PKD1L1: variants seen among roughly 807,000 people sequenced by gnomAD.
The protein encoded by PKD1L1 is polycystin-1-like protein 1.
Under a neutral mutation model 323.4 loss-of-function variants are expected in PKD1L1, and 236 were observed. That is an observed-to-expected ratio of 0.73 (90% CI 0.66 to 0.81). PKD1L1 has a LOEUF of 0.81. Among genes scored for constraint, PKD1L1 ranks in the 40% least tolerant of loss-of-function variants. The pLI, the probability that PKD1L1 is intolerant of heterozygous loss-of-function variation, is 0.00. For synonymous variants in PKD1L1, 1,344 were observed against 1,335.0 expected (o/e 1.01, Z -0.15); for missense variants, 3,320 against 3,508.0 (o/e 0.95, Z 1.35).
Position 47,829,529 on chromosome 7 carries a change from C to T in PKD1L1, c.6631G>A (p.Glu2211Lys). The change falls in exon 44 of 57, where the codon GAG becomes AAG. Residue 2211 changes from glutamate (E) to lysine (K), a missense_variant. Transcript: ENST00000289672. ...TCAGAGTCCAGATCCCTGGTAGCCT[C>T]ACATAAAGACTCAGTAAAAAAGTGG... ...DNHFFTESLC[E>K]ATRDLDSELA... The T allele has an allele frequency of 1.2e-6, 2 of 1,614,074 alleles. No individual in the cohort carries two copies. Among genetic ancestry groups the T allele is most frequent in the Non-Finnish European group, 1.7e-6 (2 of 1,180,006 alleles).
chr7:47,877,723 G>T (rs1041775394), intron 21 of PKD1L1, 92 bp from the exon 22 acceptor site: 259 of 1,430,860 alleles, frequency 1.8e-4, no homozygotes, highest in Non-Finnish European at 2.4e-4. Flanking sequence ...TATAGCAGGG[G>T]TTCTCAAAGT....
chr7:47,864,209 G>A (rs143277051), intron 26 of PKD1L1, among the ~76,000 whole-genome samples: 102 of 152,258 alleles, frequency 6.7e-4, no homozygotes, highest in African/African-American at 2.3e-3. Context: ...ACAATGAGAG[G>A]AGCCTGGAGG....
At chr7:47,954,858 A>G in the PKD1L1 span, among the ~76,000 whole-genome samples, 1 of 152,150 alleles carries the variant, frequency 6.6e-6, no homozygotes, top group African/African-American at 2.4e-5. Flanking sequence ...CCATTCCCAG[A>G]TCTTAGGGTG....
Position 47,792,607 on chromosome 7 carries a change from A to C in PKD1L1, c.8526+20T>G. On this transcript the variant is annotated intron_variant, in intron 56 of 56. Transcript: ENST00000289672. The stretch of plus-strand genomic sequence containing the variant: ...ATTGCTATGAAGAAAATTGACATAA[A>C]TAATTTTGCATGGTCTTACCTCAGC... The C allele has an allele frequency of 1.3e-6, 2 of 1,568,974 alleles. No individual in the cohort carries two copies. The highest frequency in any genetic ancestry group is 1.7e-6 in the Non-Finnish European group (2 of 1,156,192).
rs558360906 is a variant in PKD1L1, at chr7:47,946,794, C to T, written c.44+1603G>A. ...TCTTGCTTTAGGTGACTCAGGAAACCCCAAAAGGCTATGACTTCAGAAATG... is the reference window on the plus strand; with the variant it reads ...TCTTGCTTTAGGTGACTCAGGAAACTCCAAAAGGCTATGACTTCAGAAATG... On this transcript the variant is annotated intron_variant, in intron 1 of 56. Coordinates refer to ENST00000289672, the MANE Select transcript of PKD1L1 (RefSeq NM_138295.5). The surrounding 1 kb of genome is among the most constrained non-coding windows in gnomAD (Gnocchi z 4.1). 1.4e-4 allele frequency among the ~76,000 whole-genome samples: 21 copies of T among 151,974 alleles called. No homozygotes were observed. Among genetic ancestry groups the T allele is most frequent in the African/African-American group, 5.1e-4 (21 of 41,304 alleles).
At position 47,839,401 on chromosome 7, in the gene PKD1L1, C is replaced by G. The variant is rs117750169; in HGVS notation, c.5769+45G>C. On this transcript the variant is annotated intron_variant, in intron 36 of 56. Transcript: ENST00000289672. The surrounding 1 kb of genome is among the most constrained non-coding windows in gnomAD (Gnocchi z 4.3). ...AGCAGAGACAGGTGCCATGCTCTGC[C>G]GGTCAGCCAGGTGCGCCACGAGAGG... The G allele has an allele frequency of 2.0e-6, 3 of 1,510,992 alleles. No homozygotes were observed. The highest frequency in any genetic ancestry group is 1.4e-5 in the African/African-American group (1 of 73,202). 93.6% of individuals were successfully genotyped at this position (1,510,992 alleles called of 1,614,324 possible). A position where few individuals can be genotyped will look rare whatever the true frequency, so the allele number is the denominator to read the frequency against.
intron 52 of PKD1L1, among the ~76,000 whole-genome samples, chr7:47,805,190 A>C (rs1394364739): frequency 6.6e-6 from 1 of 152,238 alleles, no homozygotes; most frequent in African/African-American, 2.4e-5. Flanking sequence ...AAGAAAGTTA[A>C]GAAACTTGCC....
At chr7:47,880,424 GGCACCC>G (rs1289414939) in intron 21 of PKD1L1, among the ~76,000 whole-genome samples, 6 of 149,524 alleles carry the variant, frequency 4.0e-5, no homozygotes, top group African/African-American at 1.5e-4. Context: ...TGGGATTACA[GGCACCC>G]GCCACCATGC....
At chr7:47,788,051 C>T (rs912602373) in intron 56 of PKD1L1, among the ~76,000 whole-genome samples, 5 of 151,952 alleles carry the variant, frequency 3.3e-5, no homozygotes, top group Admixed American at 2.6e-4. Context: ...TTGTCCTTAA[C>T]CTTAGTAGTA....
At chr7:47,810,129 G>T (rs544994681) in intron 50 of PKD1L1, among the ~76,000 whole-genome samples, 1 of 152,248 alleles carries the variant, frequency 6.6e-6, no homozygotes, top group South Asian at 2.1e-4. Context: ...TTATGGATTT[G>T]CAAGGAACTG....
intron 23 of PKD1L1, 119 bp from the exon 24 acceptor site, chr7:47,874,129 C>T (rs1331087258): frequency 3.1e-6 from 2 of 653,026 alleles, no homozygotes; most frequent in Non-Finnish European, 5.3e-6. Context: ...GACAAAGGGG[C>T]CAGGCTCCGA....
At chr7:47,834,831 A>C in intron 39 of PKD1L1, 136 bp downstream of exon 39, 1 of 705,178 alleles carries the variant, frequency 1.4e-6, no homozygotes, top group South Asian at 2.3e-5. Context: ...ACTTTTACAC[A>C]CATTAAATGA....
chr7:47,858,563 A>T (rs1028567801), intron 27 of PKD1L1, 110 bp downstream of exon 27: 2 of 979,944 alleles, frequency 2.0e-6, no homozygotes, highest in Non-Finnish European at 3.1e-6. Flanking sequence ...TGAACACAGT[A>T]CTTCAGAAAC....
At chr7:47,834,766 T>A (rs553841782) in intron 39 of PKD1L1, among the ~76,000 whole-genome samples, 28 of 152,318 alleles carry the variant, frequency 1.8e-4, no homozygotes, top group African/African-American at 6.3e-4. Context: ...AAGGATTTTA[T>A]AAGGTTCATA....
intron 2 of PKD1L1, among the ~76,000 whole-genome samples, chr7:47,941,955 G>A (rs1421577246): frequency 6.6e-6 from 1 of 152,206 alleles, no homozygotes; most frequent in African/African-American, 2.4e-5. Flanking sequence ...TTGTCCCACA[G>A]AAGTGATATT....
At chr7:47,789,847 C>T (rs1786898627) in intron 56 of PKD1L1, among the ~76,000 whole-genome samples, 1 of 152,026 alleles carries the variant, frequency 6.6e-6, no homozygotes, top group Admixed American at 6.6e-5. Context: ...ATAGTAAATA[C>T]TATCCATTTT....
At chr7:47,797,054 G>A (rs1784558129) in intron 54 of PKD1L1, among the ~76,000 whole-genome samples, 1 of 151,276 alleles carries the variant, frequency 6.6e-6, no homozygotes. Context: ...GAGCCTGTCA[G>A]CTTTACACAC....
At position 47,827,479 on chromosome 7, in the gene PKD1L1, C is replaced by G. The variant is rs746227954; in HGVS notation, c.6736-11G>C. 7 of 1,601,954 alleles carry G rather than the reference C, an allele frequency of 4.4e-6. No individual in the cohort carries two copies. In the Middle Eastern group the frequency reaches 5.0e-4, roughly 114 times the overall value. On this transcript the variant is annotated splice_polypyrimidine_tract_variant and intron_variant, in intron 44 of 56. Coordinates refer to ENST00000289672, the MANE Select transcript of PKD1L1 (RefSeq NM_138295.5). ...TCGGGCAGCCAAGACCTGTCAGGGACAAGAGTGCTGTGAGCTGCGGGCTGG... is the reference window on the plus strand; with the variant it reads ...TCGGGCAGCCAAGACCTGTCAGGGAGAAGAGTGCTGTGAGCTGCGGGCTGG...
chr7:47,874,387 A>G (rs1786355032), intron 23 of PKD1L1, among the ~76,000 whole-genome samples: 1 of 152,180 alleles, frequency 6.6e-6, no homozygotes, highest in African/African-American at 2.4e-5. Context: ...AGTGCAGGTG[A>G]TGGCCAGATG....
Sources: gnomAD v4.1 joint callset for allele counts (sites outside exome capture counted in the v4.1 genomes callset) on GRCh38, gnomAD v4.1.1 for gene constraint, Gnocchi (gnomAD v3.1) non-coding constraint, MANE v1.5 for transcripts, NCBI Gene and HGNC (gene_info 2026-07-23, HGNC 2026-07-21) for gene names.